SCARA5: variants seen among roughly 807,000 people sequenced by gnomAD.
SCARA5 encodes scavenger receptor class A, member 5 (putative).
SCARA5 carries 45 observed loss-of-function variants against 46.3 expected under a neutral mutation model. The ratio of observed to expected loss-of-function variants is 0.97; its 90% CI spans 0.76 to 1.24. The LOEUF (loss-of-function observed/expected upper bound fraction) is 1.24. Ranked by LOEUF, SCARA5 falls within the 50% of genes most tolerant of loss-of-function variation. SCARA5 has a pLI of 0.00. For missense variants in SCARA5, 680 were observed against 689.0 expected (o/e 0.99, Z 0.15); for synonymous variants, 333 against 306.5 (o/e 1.09, Z -0.90).
At chr8:27,920,826 A>G (rs1807570996) in intron 4 of SCARA5, among the ~76,000 whole-genome samples, 1 of 151,464 alleles carries the variant, frequency 6.6e-6, no homozygotes, top group African/African-American at 2.4e-5. Context: ...ACAAAACGAC[A>G]ACAACAAAAA....
intron 4 of SCARA5, among the ~76,000 whole-genome samples, chr8:27,912,006 G>A (rs1357769444): frequency 2.6e-5 from 4 of 152,174 alleles, no homozygotes; most frequent in African/African-American, 9.7e-5. Flanking sequence ...GCAAGCACCA[G>A]CAGCTGGGAA....
chr8:27,929,434 G>C (rs936027195), intron 3 of SCARA5, among the ~76,000 whole-genome samples: 6 of 152,180 alleles, frequency 3.9e-5, no homozygotes, highest in African/African-American at 1.4e-4. Flanking sequence ...GGAAGCTAAG[G>C]GTCCTATTTG....
intron 3 of SCARA5, among the ~76,000 whole-genome samples, chr8:27,933,446 T>A (rs747876937): frequency 2.0e-5 from 3 of 147,992 alleles, no homozygotes; most frequent in Non-Finnish European, 4.4e-5. Flanking sequence ...TGCTTGAACT[T>A]GGGAGGTAGA....
chr8:27,871,647 G>A lies in SCARA5; in HGVS notation c.*287C>T. On this transcript the variant is annotated 3_prime_UTR_variant, in exon 9 of 9. Coordinates refer to ENST00000354914, the MANE Select transcript of SCARA5 (RefSeq NM_173833.6). Reference sequence around the variant, plus strand: ...CTGGGATATTGAGGCCTGGTGCATGGTGTTCAGAGGCTGGGCAAAGTGGTG... The same window carrying A: ...CTGGGATATTGAGGCCTGGTGCATGATGTTCAGAGGCTGGGCAAAGTGGTG... 7.6e-7 allele frequency: 1 copy of A among 1,311,036 alleles called. No homozygotes were observed. The highest frequency in any genetic ancestry group is 9.8e-7 in the Non-Finnish European group (1 of 1,024,574). The allele number at this position is 1,311,036 out of a possible 1,614,324, so 81.2% of individuals were successfully genotyped here. A position where few individuals can be genotyped will look rare whatever the true frequency, so the allele number is the denominator to read the frequency against.
At chr8:27,899,182 A>C (rs1676950931) in intron 7 of SCARA5, among the ~76,000 whole-genome samples, 2 of 152,234 alleles carry the variant, frequency 1.3e-5, no homozygotes, top group Admixed American at 1.3e-4. Context: ...AGTCAGGGGC[A>C]GCCTGTGGGA....
intron 7 of SCARA5, among the ~76,000 whole-genome samples, chr8:27,888,130 C>A (rs1364111348): frequency 6.6e-6 from 1 of 152,070 alleles, no homozygotes; most frequent in East Asian, 1.9e-4. Context: ...GATCTCGGCT[C>A]ACTACAACCT....
intron 2 of SCARA5, among the ~76,000 whole-genome samples, chr8:27,981,156 A>G (rs1164087885): frequency 6.6e-6 from 1 of 152,186 alleles, no homozygotes; most frequent in East Asian, 1.9e-4. Flanking sequence ...GGTTAGTAAC[A>G]TTATTCTCAC....
intron 3 of SCARA5, among the ~76,000 whole-genome samples, chr8:27,949,225 A>C (rs893182042): frequency 6.6e-6 from 1 of 152,272 alleles, no homozygotes; most frequent in African/African-American, 2.4e-5. Context: ...CCTCAGTAGA[A>C]GCCAGGTGGC....
intron 7 of SCARA5, among the ~76,000 whole-genome samples, chr8:27,880,952 C>T (rs926830251): frequency 2.0e-5 from 3 of 151,306 alleles, no homozygotes; most frequent in South Asian, 2.1e-4. Flanking sequence ...AAATGCTCAT[C>T]GTTACTAATC....
At chr8:27,896,199 G>A (rs1255536242) in intron 7 of SCARA5, among the ~76,000 whole-genome samples, 1 of 152,178 alleles carries the variant, frequency 6.6e-6, no homozygotes, top group Admixed American at 6.5e-5. Context: ...TGTTTCATCA[G>A]GCCTGCAGCC....
intron 7 of SCARA5, among the ~76,000 whole-genome samples, chr8:27,896,702 C>T (rs1275947523): frequency 6.6e-6 from 1 of 152,132 alleles, no homozygotes; most frequent in Non-Finnish European, 1.5e-5. Context: ...GCCATATACC[C>T]CCTCCTGCCA....
intron 4 of SCARA5, among the ~76,000 whole-genome samples, chr8:27,920,399 G>A (rs1050806332): frequency 4.0e-5 from 6 of 151,636 alleles, no homozygotes; most frequent in African/African-American, 1.2e-4. Flanking sequence ...GATCACCTGA[G>A]GTCAGGAGTT....
At chr8:27,919,351 C>A (rs1807545329) in intron 4 of SCARA5, among the ~76,000 whole-genome samples, 1 of 152,036 alleles carries the variant, frequency 6.6e-6, no homozygotes, top group African/African-American at 2.4e-5. Flanking sequence ...GGAAGGTGAG[C>A]TGTGCTTCCA....
chr8:27,936,419 T>A (rs1807858242), intron 3 of SCARA5, among the ~76,000 whole-genome samples: 1 of 151,216 alleles, frequency 6.6e-6, no homozygotes, highest in African/African-American at 2.4e-5. Context: ...CGAAAACCCA[T>A]CTCTACTAAA....
chr8:27,959,557 G>A (rs1808262321), intron 3 of SCARA5, among the ~76,000 whole-genome samples: 1 of 152,192 alleles, frequency 6.6e-6, no homozygotes, highest in Non-Finnish European at 1.5e-5. Flanking sequence ...TTGCAATACA[G>A]CATGGTGAGT....
intron 2 of SCARA5, among the ~76,000 whole-genome samples, chr8:27,971,322 ATT>A (rs1808444396): frequency 1.3e-5 from 2 of 152,224 alleles, no homozygotes; most frequent in Admixed American, 6.5e-5. Context: ...GGAGGCCACA[ATT>A]CACCAGGGTG....
intron 3 of SCARA5, among the ~76,000 whole-genome samples, chr8:27,963,244 C>A (rs1053640540): frequency 6.6e-6 from 1 of 152,170 alleles, no homozygotes; most frequent in South Asian, 2.1e-4. Context: ...AATTCTATTG[C>A]AAAGGACATC....
chr8:27,924,306 A>G (rs1407641744), intron 3 of SCARA5, among the ~76,000 whole-genome samples: 1 of 152,244 alleles, frequency 6.6e-6, no homozygotes, highest in Non-Finnish European at 1.5e-5. Context: ...GAGAAAAATC[A>G]GATGGAATAA....
At chr8:27,951,206 T>C (rs1002089061) in intron 3 of SCARA5, among the ~76,000 whole-genome samples, 5 of 152,222 alleles carry the variant, frequency 3.3e-5, no homozygotes, top group African/African-American at 1.2e-4. Context: ...TTCATATATG[T>C]GCCCCCAGAA....
Sources: allele counts gnomAD v4.1 joint callset (sites outside exome capture counted in the v4.1 genomes callset), GRCh38; gene constraint gnomAD v4.1.1; transcripts MANE v1.5; gene names NCBI Gene and HGNC (gene_info 2026-07-23, HGNC 2026-07-21).